STOML3: variants seen among roughly 807,000 people sequenced by gnomAD.
STOML3 encodes stomatin-like protein 3.
A neutral mutation model predicts 29.5 loss-of-function variants in STOML3; 31 were observed. The observed-to-expected ratio is 1.05, with a 90% CI of 0.79 to 1.42. The LOEUF is 1.42. Ranked by LOEUF, STOML3 falls within the 40% of genes most tolerant of loss-of-function variation. The probability of loss-of-function intolerance (pLI) is 0.00; values close to 1 mark genes in which losing one functional copy is unlikely to be tolerated. For synonymous variants in STOML3, 122 were observed against 139.8 expected (o/e 0.87, Z 0.90); for missense variants, 380 against 363.0 (o/e 1.05, Z -0.38).
chr13:38,986,292 C>T lies in STOML3; in HGVS notation c.52+4378G>A, dbSNP rs895930577. Among the ~76,000 whole-genome samples the T allele has an allele frequency of 3.3e-5, 5 of 151,924 alleles. No homozygotes were observed. The East Asian group carries it at 5.8e-4, about 18-fold the overall frequency. On this transcript the variant is annotated intron_variant, in intron 1 of 6. Coordinates refer to ENST00000379631, the MANE Select transcript of STOML3 (RefSeq NM_145286.3). ...TCAGGTGATCCACCTGCCTCGGCCT[C>T]CCAAAGTGCTGAGATTGCAGGCATG...
rs73169448 is a variant in STOML3, at chr13:38,976,527, G to T, written c.229+13C>A. 6.3e-3 allele frequency: 10,102 copies of T among 1,614,000 alleles called. 45 individuals carry two copies. Among genetic ancestry groups the T allele is most frequent in the Non-Finnish European group, 7.7e-3 (9,050 of 1,179,944 alleles). ...CCCTGATCTTTCAGGGGCAGCCACC[G>T]CGTCATTCATACCTGGCCCCTTGGC... On this transcript the variant is annotated intron_variant, in intron 3 of 6. Transcript: ENST00000379631.
intron 1 of STOML3, 79 bp downstream of exon 1, chr13:38,990,591 T>C: frequency 2.1e-6 from 3 of 1,449,454 alleles, no homozygotes; most frequent in Non-Finnish European, 2.9e-6. Flanking sequence ...ATACTTACTC[T>C]ATACCTGTCT....
intron 4 of STOML3, among the ~76,000 whole-genome samples, chr13:38,972,075 T>C (rs1880889893): frequency 6.6e-6 from 1 of 152,172 alleles, no homozygotes; most frequent in Admixed American, 6.5e-5. Flanking sequence ...ATGTGACTCA[T>C]GTGGATATTA....
At position 38,975,213 on chromosome 13, in the gene STOML3, C is replaced by T. The variant is rs367924793; in HGVS notation, c.229+1327G>A. 9.8e-4 allele frequency among the ~76,000 whole-genome samples: 148 copies of T among 151,522 alleles called. No homozygotes were observed. In the South Asian group the frequency reaches 9.8e-3, roughly 10 times the overall value. On this transcript the variant is annotated intron_variant, in intron 3 of 6. Coordinates refer to ENST00000379631, the MANE Select transcript of STOML3 (RefSeq NM_145286.3). ...GTGGGTGCCTGTAATCCCAGCTACT[C>T]GGGAGGCTAAGGTGAGAAAATCACT...
intron 1 of STOML3, among the ~76,000 whole-genome samples, chr13:38,989,175 A>G (rs935239241): frequency 1.3e-5 from 2 of 151,910 alleles, no homozygotes; most frequent in Admixed American, 1.3e-4. Context: ...CATTGCAAAT[A>G]TATCAGCCCC....
intron 1 of STOML3, among the ~76,000 whole-genome samples, chr13:38,979,795 AG>A (rs1337513730): frequency 6.6e-6 from 1 of 152,178 alleles, no homozygotes; most frequent in African/African-American, 2.4e-5. Flanking sequence ...TCTTGGTAAA[AG>A]TATTGTGAAG....
chr13:38,977,315 A>C (rs1440399630), intron 1 of STOML3, among the ~76,000 whole-genome samples: 1 of 152,228 alleles, frequency 6.6e-6, no homozygotes, highest in Non-Finnish European at 1.5e-5. Context: ...CCAATTCTAA[A>C]GCATTAGGAT....
chr13:38,988,152 A>T (rs1230123420), intron 1 of STOML3, among the ~76,000 whole-genome samples: 10 of 94,416 alleles, frequency 1.1e-4, no homozygotes, highest in African/African-American at 2.8e-4. Flanking sequence ...ATTTTATATC[A>T]TATATTTTAT....
intron 1 of STOML3, among the ~76,000 whole-genome samples, chr13:38,982,210 C>A (rs1407742361): frequency 6.6e-6 from 1 of 151,586 alleles, no homozygotes; most frequent in Non-Finnish European, 1.5e-5. Context: ...GACCCTAGGC[C>A]CCTAATCTCC....
intron 1 of STOML3, chr13:38,980,224 A>G: frequency 7.8e-7 from 1 of 1,276,908 alleles, no homozygotes; most frequent in Non-Finnish European, 1.1e-6. Flanking sequence ...TTCTGGGAGA[A>G]TTGGTGGAGC....
rs1593496113 is a variant in STOML3, at chr13:38,968,265, T to G, written c.651+135A>C. 38 of 1,312,974 alleles carry G rather than the reference T, an allele frequency of 2.9e-5. No homozygotes were observed. In the East Asian group the frequency reaches 9.1e-4, roughly 31 times the overall value. 81.3% of individuals were successfully genotyped at this position (1,312,974 alleles called of 1,614,324 possible). The stretch of plus-strand genomic sequence containing the variant: ...GGTTACCTTTTAATTCAGGGAAAAT[T>G]CTCAGTAAAACTGTGAAAAGAAACC... On this transcript the variant is annotated intron_variant, in intron 6 of 6. Coordinates refer to ENST00000379631, the MANE Select transcript of STOML3 (RefSeq NM_145286.3).
rs777227484 is a variant in STOML3, at chr13:38,976,550, G to T, written c.219C>A (p.Ala73=). 3.1e-6 allele frequency: 5 copies of T among 1,614,036 alleles called. No homozygotes were observed. The African/African-American group carries it at 6.7e-5, about 22-fold the overall frequency. Residue 73 remains alanine (A), a synonymous_variant, in exon 3 of 7, where the codon GCC becomes GCA. Coordinates refer to ENST00000379631, the MANE Select transcript of STOML3 (RefSeq NM_145286.3). ...CCGCGTCATTCATACCTGGCCCCTT[G>T]GCTTTGTCAGCTTGGATGCGTCCCA... ...FRLGRIQADK[A]KGPGLILVLP...
intron 1 of STOML3, among the ~76,000 whole-genome samples, chr13:38,986,374 T>G (rs1049830737): frequency 2.0e-5 from 3 of 152,236 alleles, no homozygotes; most frequent in African/African-American, 7.2e-5. Flanking sequence ...AAAATTATCA[T>G]GTCAAGTTTT....
At chr13:38,972,824 C>T (rs1880927825) in intron 3 of STOML3, among the ~76,000 whole-genome samples, 1 of 152,136 alleles carries the variant, frequency 6.6e-6, no homozygotes. Context: ...AGATCCCTGA[C>T]ATTTAATTTT....
intron 1 of STOML3, among the ~76,000 whole-genome samples, chr13:38,989,799 AG>A (rs1342583092): frequency 6.6e-6 from 1 of 152,090 alleles, no homozygotes; most frequent in African/African-American, 2.4e-5. Flanking sequence ...CATGCAGCCT[AG>A]TTTTTTCTTT....
intron 1 of STOML3, 111 bp downstream of exon 1, chr13:38,990,559 C>T (rs1868960906): frequency 9.7e-7 from 1 of 1,031,534 alleles, no homozygotes; most frequent in Non-Finnish European, 1.4e-6. Context: ...GAAATTGAGG[C>T]CGATTTCTGC....
intron 1 of STOML3, among the ~76,000 whole-genome samples, chr13:38,978,334 A>C (rs542108516): frequency 6.6e-6 from 1 of 151,868 alleles, no homozygotes; most frequent in Admixed American, 6.6e-5. Context: ...TTGTATTTTT[A>C]GTAGAGACGG....
Position 38,970,171 on chromosome 13 carries a change from C to A in STOML3, c.516+14G>T. 2 of 1,605,222 alleles carry A rather than the reference C, an allele frequency of 1.2e-6. No individual in the cohort carries two copies. The highest frequency in any genetic ancestry group is 1.1e-5 in the South Asian group (1 of 90,446). ...AAGTTAAAGATACAGGCTATTAGTT[C>A]ATGGTGTCTTTACCTGGATGCTATG... On this transcript the variant is annotated intron_variant, in intron 5 of 6. Transcript: ENST00000379631.
intron 1 of STOML3, among the ~76,000 whole-genome samples, chr13:38,978,565 C>T (rs969062670): frequency 1.3e-5 from 2 of 152,130 alleles, no homozygotes; most frequent in Non-Finnish European, 2.9e-5. Flanking sequence ...CATACACAAG[C>T]ACTAGGACTA....
Sources: gnomAD v4.1 joint callset for allele counts (sites outside exome capture counted in the v4.1 genomes callset) on GRCh38, gnomAD v4.1.1 for gene constraint, MANE v1.5 for transcripts, NCBI Gene and HGNC (gene_info 2026-07-23, HGNC 2026-07-21) for gene names.